The following CRADD variants were observed in gnomAD, a reference collection of about 807,000 sequenced individuals.
CRADD encodes the protein CARD and death domain containing adaptor protein.
CRADD carries 9 observed loss-of-function variants against 15.5 expected under a neutral mutation model. The ratio of observed to expected loss-of-function variants is 0.58; its 90% CI spans 0.35 to 1.01. The LOEUF (loss-of-function observed/expected upper bound fraction) is 1.01. Among genes scored for constraint, CRADD ranks in the 50% least tolerant of loss-of-function variants. The pLI is 0.02. For synonymous variants in CRADD, 118 were observed against 107.6 expected (o/e 1.10, Z -0.60); for missense variants, 227 against 250.3 (o/e 0.91, Z 0.63).
At chr12:93,862,589 A>G (rs1190418280) in intron 2 of CRADD, among the ~76,000 whole-genome samples, 1 of 152,184 alleles carries the variant, frequency 6.6e-6, no homozygotes, top group Non-Finnish European at 1.5e-5. Flanking sequence ...TCTCATGAAA[A>G]TTACATCTGT....
chr12:93,842,643 T>C (rs1317589585), intron 2 of CRADD, among the ~76,000 whole-genome samples: 1 of 151,872 alleles, frequency 6.6e-6, no homozygotes, highest in Non-Finnish European at 1.5e-5. Flanking sequence ...CAAAATGCAA[T>C]AGGGATTAGA....
chr12:93,890,978 G>A (rs546234364), intron 2 of CRADD, among the ~76,000 whole-genome samples: 187 of 151,502 alleles, frequency 1.2e-3, no homozygotes, highest in African/African-American at 4.1e-3. Context: ...CAAACTCCTG[G>A]CCTCAAGTGA....
intron 2 of CRADD, among the ~76,000 whole-genome samples, chr12:93,698,631 T>C (rs543121412): frequency 6.6e-6 from 1 of 152,330 alleles, no homozygotes; most frequent in African/African-American, 2.4e-5. Flanking sequence ...CAGTGTCTTC[T>C]GTTTGTATGC....
chr12:93,765,709 AT>A (rs944900186), intron 2 of CRADD, among the ~76,000 whole-genome samples: 2 of 150,798 alleles, frequency 1.3e-5, no homozygotes, highest in Non-Finnish European at 3.0e-5. Flanking sequence ...GCTATTTCTC[AT>A]TTTTTTTTCC....
chr12:93,764,180 C>CTTTT lies in CRADD; in HGVS notation c.298+85123_298+85126dup, dbSNP rs34243041. Among the ~76,000 whole-genome samples the CTTTT allele has an allele frequency of 8.8e-3, 1,124 of 128,340 alleles. 27 individuals carry two copies. The highest frequency in any genetic ancestry group is 0.035 in the South Asian group (137 of 3,910). The allele number at this position is 128,340 out of a possible 152,430, so 84.2% of individuals were successfully genotyped here. On this transcript the variant is annotated intron_variant, in intron 2 of 2. Coordinates refer to ENST00000332896, the MANE Select transcript of CRADD (RefSeq NM_003805.5). ...TAATCAGGGGATCAGACATGATCAA[C>CTTTT]TTTTTTTTTTTTTTTTTTGCTTAAG...
intron 2 of CRADD, among the ~76,000 whole-genome samples, chr12:93,880,994 G>A (rs929034289): frequency 6.6e-6 from 1 of 152,200 alleles, no homozygotes; most frequent in Non-Finnish European, 1.5e-5. Context: ...ACCAAATTGA[G>A]CATTTAGCAA....
chr12:93,746,782 ATT>A (rs34041721), intron 2 of CRADD, among the ~76,000 whole-genome samples: 14 of 144,276 alleles, frequency 9.7e-5, no homozygotes, highest in Non-Finnish European at 9.2e-5. Context: ...CTGAATTTGG[ATT>A]TTTTTTTTTT....
chr12:93,793,593 C>G (rs1442355265), intron 2 of CRADD, among the ~76,000 whole-genome samples: 1 of 152,052 alleles, frequency 6.6e-6, no homozygotes, highest in Non-Finnish European at 1.5e-5. Context: ...TTCTGTTTTC[C>G]TTTTTTCATA....
At chr12:93,680,808 A>T (rs1955270038) in intron 2 of CRADD, among the ~76,000 whole-genome samples, 2 of 152,246 alleles carry the variant, frequency 1.3e-5, no homozygotes, top group Non-Finnish European at 2.9e-5. Context: ...TTTCACTATC[A>T]AAATACTGAA....
chr12:93,850,975 G>A (rs544537862), downstream of CRADD, among the ~76,000 whole-genome samples: 1 of 152,268 alleles, frequency 6.6e-6, no homozygotes, highest in South Asian at 2.1e-4. This position sits in a 1 kb window ranked among gnomAD's most constrained non-coding sequence, Gnocchi z 4.0. Context: ...GGACCAGCAT[G>A]CATACCCGAG....
chr12:93,733,647 C>T (rs1212185911), intron 2 of CRADD: 1 of 152,344 alleles, frequency 6.6e-6, no homozygotes, highest in African/African-American at 2.4e-5. Flanking sequence ...GGGAGGCTGC[C>T]TGCTCAGGTG....
intron 2 of CRADD, among the ~76,000 whole-genome samples, chr12:93,759,256 A>G (rs181739847): frequency 4.6e-4 from 70 of 152,232 alleles, no homozygotes; most frequent in Non-Finnish European, 9.9e-4. Flanking sequence ...GGGTGGGGGA[A>G]TGGGGAGTGG....
At chr12:93,811,415 A>G (rs573385431) in intron 2 of CRADD, among the ~76,000 whole-genome samples, 20 of 152,338 alleles carry the variant, frequency 1.3e-4, no homozygotes, top group Non-Finnish European at 2.5e-4. Context: ...GGGGACGTTA[A>G]TACATTCAGC....
At chr12:93,771,443 A>G (rs1160590161) in intron 2 of CRADD, among the ~76,000 whole-genome samples, 1 of 152,170 alleles carries the variant, frequency 6.6e-6, no homozygotes, top group African/African-American at 2.4e-5. Flanking sequence ...GCTTTTGCTC[A>G]GTGTTTTTAT....
At position 93,721,223 on chromosome 12, in the gene CRADD, G is replaced by C. The variant is rs150992923; in HGVS notation, c.298+42151G>C. Among the ~76,000 whole-genome samples, 137 of 152,138 alleles carry C rather than the reference G, an allele frequency of 9.0e-4. 1 individual carries two copies. The highest frequency in any genetic ancestry group is 3.4e-3 in the Middle Eastern group (1 of 294). On this transcript the variant is annotated intron_variant, in intron 2 of 2. Transcript: ENST00000332896. ...GGGATTAACAGATGTGAGCCACCATGCTCCTTTTTTTGTTTTTTTAAACTT... is the reference window on the plus strand; with the variant it reads ...GGGATTAACAGATGTGAGCCACCATCCTCCTTTTTTTGTTTTTTTAAACTT...
intron 2 of CRADD, among the ~76,000 whole-genome samples, chr12:93,831,777 C>T (rs1345007538): frequency 1.3e-5 from 2 of 152,232 alleles, no homozygotes; most frequent in East Asian, 1.9e-4. Context: ...TTTGGGTAGA[C>T]CCTGTGATCA....
At chr12:93,881,023 A>G (rs1958495878) in intron 2 of CRADD, among the ~76,000 whole-genome samples, 2 of 152,206 alleles carry the variant, frequency 1.3e-5, no homozygotes, top group Admixed American at 1.3e-4. Flanking sequence ...TTGAAGCTGG[A>G]GGGAAGGGTC....
chr12:93,826,391 C>A (rs1445706498), intron 2 of CRADD, among the ~76,000 whole-genome samples: 1 of 152,200 alleles, frequency 6.6e-6, no homozygotes, highest in Non-Finnish European at 1.5e-5. Flanking sequence ...AGACTAGAAC[C>A]AAAGCACATG....
intron 2 of CRADD, among the ~76,000 whole-genome samples, chr12:93,819,818 A>G (rs886782802): frequency 1.3e-5 from 2 of 152,218 alleles, no homozygotes; most frequent in Non-Finnish European, 2.9e-5. Context: ...TTCTTTTCAT[A>G]TTAGAGTTAG....
Sources: gnomAD v4.1 joint callset for allele counts (sites outside exome capture counted in the v4.1 genomes callset) on GRCh38, gnomAD v4.1.1 for gene constraint, Gnocchi (gnomAD v3.1) non-coding constraint, MANE v1.5 for transcripts, NCBI Gene and HGNC (gene_info 2026-07-23, HGNC 2026-07-21) for gene names.